JAKMIP1: variants seen among roughly 807,000 people sequenced by gnomAD.
The protein encoded by JAKMIP1 is janus kinase and microtubule-interacting protein 1.
JAKMIP1 carries 33 observed loss-of-function variants against 113.0 expected under a neutral mutation model. The ratio of observed to expected loss-of-function variants is 0.29; its 90% confidence interval spans 0.22 to 0.39. The LOEUF (loss-of-function observed/expected upper bound fraction) is 0.39, where lower values mean the gene tolerates loss of function less well. Ranked by LOEUF, JAKMIP1 falls within the 10% of genes least tolerant of loss-of-function variation. The pLI is 1.00. For synonymous variants in JAKMIP1, 480 were observed against 459.9 expected (o/e 1.04, Z -0.56); for missense variants, 813 against 1,080.5 (o/e 0.75, Z 3.47).
intron 1 of JAKMIP1, among the ~76,000 whole-genome samples, chr4:6,149,368 G>GGCCCAGGCCC (rs1721278727): frequency 6.6e-6 from 1 of 152,154 alleles, no homozygotes. Flanking sequence ...AGAACTGCTT[G>GGCCCAGGCCC]GCCCAGGCCC....
In JAKMIP1 at chr4:6,059,272, G is replaced by A. The variant is rs1209931913; in HGVS notation, c.1644+1152C>T. ...TCTGTGCCAGGCATGCATGCTGGTC[G>A]CTGGCCGTCCGCCTCCATGGGAACC... On this transcript the variant is annotated intron_variant, in intron 11 of 20. Transcript: ENST00000409021. The surrounding 1 kb of genome is among the most constrained non-coding windows in gnomAD (Gnocchi z 4.8). Among the ~76,000 whole-genome samples the A allele has an allele frequency of 2.0e-5, 3 of 152,154 alleles. No individual in the cohort carries two copies. The highest frequency in any genetic ancestry group is 1.3e-4 in the Admixed American group (2 of 15,284).
intron 1 of JAKMIP1, among the ~76,000 whole-genome samples, chr4:6,196,467 C>T (rs1727857636): frequency 6.6e-6 from 1 of 152,224 alleles, no homozygotes; most frequent in Non-Finnish European, 1.5e-5. Context: ...TGTGGTCCCA[C>T]CAGTGGCCAG....
chr4:6,098,568 A>AAGAAAGAAAGAAAG lies in JAKMIP1; in HGVS notation c.624+6891_624+6904dup, dbSNP rs1553831668. ...AGAAAAAGAAAGAAAGAAAGAAAGAAAGAAAGAAAGAAAGAAGGAAAGGAA... is the reference window on the plus strand; with the variant it reads ...AGAAAAAGAAAGAAAGAAAGAAAGAAAGAAAGAAAGAAAGAGAAAGAAAGAAAGAAGGAAAGGAA... On this transcript the variant is annotated intron_variant, in intron 3 of 20. Coordinates refer to ENST00000409021, the MANE Select transcript of JAKMIP1 (RefSeq NM_001099433.2). Among the ~76,000 whole-genome samples the AAGAAAGAAAGAAAG allele has an allele frequency of 8.5e-3, 302 of 35,402 alleles. 5 individuals carry two copies. In the East Asian group the frequency reaches 0.15, roughly 17 times the overall value. 23.2% of individuals were successfully genotyped at this position (35,402 alleles called of 152,430 possible). A position where few individuals can be genotyped will look rare whatever the true frequency, so the allele number is the denominator to read the frequency against.
chr4:6,167,535 A>G lies in JAKMIP1; in HGVS notation c.-148+32718T>C, dbSNP rs1723783534. On this transcript the variant is annotated intron_variant, in intron 1 of 20. Coordinates refer to ENST00000409021, the MANE Select transcript of JAKMIP1 (RefSeq NM_001099433.2). The surrounding 1 kb of genome is among the most constrained non-coding windows in gnomAD (Gnocchi z 5.3). ...CCACTGCAAAGGGCCCTGAGCTTTG[A>G]AGGGCCCATGCTTAGTGCTCTTCTG... Among the ~76,000 whole-genome samples the G allele has an allele frequency of 6.6e-6, 1 of 152,200 alleles. No individual in the cohort carries two copies. Among genetic ancestry groups the G allele is most frequent in the Non-Finnish European group, 1.5e-5 (1 of 68,044 alleles).
At chr4:6,032,934 C>T (rs905722203) in intron 19 of JAKMIP1, among the ~76,000 whole-genome samples, 4 of 152,244 alleles carry the variant, frequency 2.6e-5, no homozygotes, top group Non-Finnish European at 4.4e-5. Context: ...GAGGGCATTG[C>T]CATCGTGAAT....
In JAKMIP1 at chr4:6,157,350, C is replaced by A. The variant is rs1430831015; in HGVS notation, c.-148+42903G>T. ...AGGCGCACGGGATGGGAAGCTGGCG[C>A]ACAACACAGGGTTGTCCCAAGAACC... On this transcript the variant is annotated intron_variant, in intron 1 of 20. Coordinates refer to ENST00000409021, the MANE Select transcript of JAKMIP1 (RefSeq NM_001099433.2). The surrounding 1 kb of genome is among the most constrained non-coding windows in gnomAD (Gnocchi z 4.7). Among the ~76,000 whole-genome samples the A allele has an allele frequency of 6.6e-6, 1 of 152,130 alleles. No individual in the cohort carries two copies. The highest frequency in any genetic ancestry group is 1.5e-5 in the Non-Finnish European group (1 of 68,028).
At chr4:6,046,118 C>T (rs1246978373) in intron 16 of JAKMIP1, among the ~76,000 whole-genome samples, 2 of 152,120 alleles carry the variant, frequency 1.3e-5, no homozygotes, top group Non-Finnish European at 2.9e-5. Flanking sequence ...CCTGTTTTAG[C>T]ACTGCAATTC....
At chr4:6,055,929 C>A (rs577693315) in intron 12 of JAKMIP1, among the ~76,000 whole-genome samples, 7 of 149,508 alleles carry the variant, frequency 4.7e-5, no homozygotes, top group Non-Finnish European at 1.0e-4. Flanking sequence ...GCAGAGTGTC[C>A]CCAGAGGTCG....
In JAKMIP1 at chr4:6,192,763, A is replaced by G. The variant is rs1727411859; in HGVS notation, c.-148+7490T>C. On this transcript the variant is annotated intron_variant, in intron 1 of 20. Coordinates refer to ENST00000409021, the MANE Select transcript of JAKMIP1 (RefSeq NM_001099433.2). The surrounding 1 kb of genome is among the most constrained non-coding windows in gnomAD (Gnocchi z 5.0). ...TTCTAGCTTCTGGGGAGGGGAAATG[A>G]GAATAAAATCATTTCAGATCATGAT... Among the ~76,000 whole-genome samples, 1 of 152,162 alleles carries G rather than the reference A, an allele frequency of 6.6e-6. No homozygotes were observed. The highest frequency in any genetic ancestry group is 1.5e-5 in the Non-Finnish European group (1 of 68,024).
chr4:6,137,234 C>T lies in JAKMIP1; in HGVS notation c.-147-24237G>A, dbSNP rs1719376845. Among the ~76,000 whole-genome samples the T allele has an allele frequency of 1.3e-5, 2 of 152,182 alleles. No homozygotes were observed. Among genetic ancestry groups the T allele is most frequent in the South Asian group, 4.1e-4 (2 of 4,828 alleles). ...CCTCCTCCACCTGACAGGACATGTGCTATGCCAGGTCCTGGCTTCCCCGTG... is the reference window on the plus strand; with the variant it reads ...CCTCCTCCACCTGACAGGACATGTGTTATGCCAGGTCCTGGCTTCCCCGTG... On this transcript the variant is annotated intron_variant, in intron 1 of 20. Transcript: ENST00000409021. This position sits in a 1 kb window ranked among gnomAD's most constrained non-coding sequence, Gnocchi z 4.5.
rs1717216089 is a variant in JAKMIP1 at position 6,061,128 on chromosome 4, T to C, written c.1561-621A>G. Among the ~76,000 whole-genome samples, 2 of 152,228 alleles carry C rather than the reference T, an allele frequency of 1.3e-5. No homozygotes were observed. Among genetic ancestry groups the C allele is most frequent in the Non-Finnish European group, 2.9e-5 (2 of 68,032 alleles). Reference sequence around the variant, plus strand: ...GCAGCCACAAGAAATGGGACGCCTGTTGCTGCCAGATGTTCTGACCTTTCA... The same window carrying C: ...GCAGCCACAAGAAATGGGACGCCTGCTGCTGCCAGATGTTCTGACCTTTCA... On this transcript the variant is annotated intron_variant, in intron 10 of 20. Transcript: ENST00000409021. This position sits in a 1 kb window ranked among gnomAD's most constrained non-coding sequence, Gnocchi z 5.3.
At chr4:6,100,710 T>A (rs1712865533) in intron 3 of JAKMIP1, among the ~76,000 whole-genome samples, 1 of 152,222 alleles carries the variant, frequency 6.6e-6, no homozygotes, top group African/African-American at 2.4e-5. Context: ...ACGGTACCCA[T>A]TCCTCCACAT....
intron 19 of JAKMIP1, among the ~76,000 whole-genome samples, chr4:6,034,659 G>A (rs1713170928): frequency 6.6e-6 from 1 of 152,124 alleles, no homozygotes; most frequent in Non-Finnish European, 1.5e-5. Context: ...AAAATTAGCT[G>A]GGTGTGGTGG....
intron 8 of JAKMIP1, among the ~76,000 whole-genome samples, chr4:6,068,240 A>G (rs887120750): frequency 1.3e-5 from 2 of 152,192 alleles, no homozygotes; most frequent in Non-Finnish European, 1.5e-5. Flanking sequence ...GGCATTAACT[A>G]CCGATGTTGC....
At chr4:6,146,256 ATTG>A (rs1217447801) in intron 1 of JAKMIP1, among the ~76,000 whole-genome samples, 2 of 151,280 alleles carry the variant, frequency 1.3e-5, no homozygotes, top group African/African-American at 4.8e-5. Flanking sequence ...GGGATGAGGA[ATTG>A]TTGTTTAACA....
intron 1 of JAKMIP1, among the ~76,000 whole-genome samples, chr4:6,198,221 C>A (rs1728051156): frequency 6.6e-6 from 1 of 152,336 alleles, no homozygotes. Flanking sequence ...ATCTTTCCGG[C>A]AGAGTCTGGG....
In JAKMIP1 at chr4:6,185,632, A is replaced by G. The variant is rs571408836; in HGVS notation, c.-148+14621T>C. ...CACTGCACTCCAGCCTGAGCGACAGAGGAAGACTCCGTCTCAAAAAAACAA... is the reference window on the plus strand; with the variant it reads ...CACTGCACTCCAGCCTGAGCGACAGGGGAAGACTCCGTCTCAAAAAAACAA... On this transcript the variant is annotated intron_variant, in intron 1 of 20. Transcript: ENST00000409021. The surrounding 1 kb of genome is among the most constrained non-coding windows in gnomAD (Gnocchi z 5.3). 5.2e-4 allele frequency among the ~76,000 whole-genome samples: 79 copies of G among 152,166 alleles called. No homozygotes were observed. The highest frequency in any genetic ancestry group is 1.9e-3 in the African/African-American group (77 of 41,516).
rs1287708479 is a variant in JAKMIP1 at position 6,167,035 on chromosome 4, T to C, written c.-148+33218A>G. On this transcript the variant is annotated intron_variant, in intron 1 of 20. Transcript: ENST00000409021. This position sits in a 1 kb window ranked among gnomAD's most constrained non-coding sequence, Gnocchi z 5.3. ...CTCCTAGGGTCTCTCAAATACTGTA[T>C]GTGCTACCCCACATCAAGTACTTGG... is the stretch of plus-strand genomic sequence containing the variant. Among the ~76,000 whole-genome samples the C allele has an allele frequency of 1.3e-5, 2 of 152,064 alleles. No individual in the cohort carries two copies. The highest frequency in any genetic ancestry group is 4.8e-5 in the African/African-American group (2 of 41,406).
rs368937111 is a variant in JAKMIP1, at chr4:6,155,289, GCAACCACCACT to G, written c.-147-42303_-147-42293del. On this transcript the variant is annotated intron_variant, in intron 1 of 20. Coordinates refer to ENST00000409021, the MANE Select transcript of JAKMIP1 (RefSeq NM_001099433.2). This position sits in a 1 kb window ranked among gnomAD's most constrained non-coding sequence, Gnocchi z 6.1. ...CTGCGCTCAACGCCTTTTAATACCA[GCAACCACCACT>G]CAACCACCACCACCGCGAATGTTTA... Among the ~76,000 whole-genome samples, 89 of 152,158 alleles carry G rather than the reference GCAACCACCACT, an allele frequency of 5.8e-4. No individual in the cohort carries two copies. Among genetic ancestry groups the G allele is most frequent in the African/African-American group, 2.0e-3 (83 of 41,512 alleles).
Sources: gnomAD v4.1 joint callset for allele counts (sites outside exome capture counted in the v4.1 genomes callset) on GRCh38, gnomAD v4.1.1 for gene constraint, Gnocchi (gnomAD v3.1) non-coding constraint, MANE v1.5 for transcripts, NCBI Gene and HGNC (gene_info 2026-07-23, HGNC 2026-07-21) for gene names.